The following IL1RAPL2 variants were observed in gnomAD, a reference collection of about 807,000 sequenced individuals.
The protein encoded by IL1RAPL2 is X-linked interleukin-1 receptor accessory protein-like 2.
In IL1RAPL2, 3 loss-of-function variants were observed where a neutral mutation model predicts 44.1. The observed-to-expected ratio is 0.07, with a 90% CI of 0.03 to 0.18. The LOEUF (loss-of-function observed/expected upper bound fraction) is 0.18. Ranked by LOEUF, IL1RAPL2 falls within the 10% of genes least tolerant of loss-of-function variation. The probability of loss-of-function intolerance (pLI) is 1.00; values close to 1 mark genes in which losing one functional copy is unlikely to be tolerated. For synonymous variants in IL1RAPL2, 181 were observed against 178.8 expected, an observed-to-expected ratio of 1.01 and a Z score of -0.10; for missense variants, 391 against 496.4, an observed-to-expected ratio of 0.79 and a Z score of 2.02.
At chrX:105,151,052 T>G (rs937848054) in intron 2 of IL1RAPL2, among the ~76,000 whole-genome samples, 2 of 112,120 alleles carry the variant, frequency 1.8e-5, no homozygotes, top group African/African-American at 6.5e-5. Context: ...AAATTGTGTC[T>G]ACTTCCCTGT....
intron 2 of IL1RAPL2, among the ~76,000 whole-genome samples, chrX:104,809,679 G>C (rs1394785444): frequency 2.7e-5 from 3 of 109,700 alleles, no homozygotes; most frequent in Admixed American, 1.9e-4. Flanking sequence ...TTTGTAGGTT[G>C]CCTGTTCACT....
intron 6 of IL1RAPL2, among the ~76,000 whole-genome samples, chrX:105,638,742 G>A (rs774931638): frequency 5.3e-5 from 6 of 112,367 alleles, no homozygotes; most frequent in African/African-American, 1.9e-4. Flanking sequence ...TTCAGTTTTG[G>A]TATCAGGAAT....
intron 2 of IL1RAPL2, among the ~76,000 whole-genome samples, chrX:104,709,444 C>T (rs887232645): frequency 2.7e-5 from 3 of 110,402 alleles, no homozygotes; most frequent in African/African-American, 9.9e-5. Context: ...GTCATACTGA[C>T]GAGTACTTTC....
intron 2 of IL1RAPL2, among the ~76,000 whole-genome samples, chrX:104,984,612 C>T (rs2030525976): frequency 8.9e-6 from 1 of 112,111 alleles, no homozygotes. Flanking sequence ...ATTACTGTTT[C>T]AAATGTAATA....
At chrX:104,579,372 A>G (rs1410275131) in intron 1 of IL1RAPL2, among the ~76,000 whole-genome samples, 1 of 112,251 alleles carries the variant, frequency 8.9e-6, no homozygotes, top group Non-Finnish European at 1.9e-5. Context: ...AGATTGGATA[A>G]AGAAAATGTA....
chrX:104,705,481 A>C (rs1316781616), intron 2 of IL1RAPL2, among the ~76,000 whole-genome samples: 1 of 110,949 alleles, frequency 9.0e-6, no homozygotes, highest in Non-Finnish European at 1.9e-5. Flanking sequence ...TAGCTTTTCT[A>C]TTTCCAGGAT....
chrX:104,814,740 C>T (rs1474289745), intron 2 of IL1RAPL2, among the ~76,000 whole-genome samples: 2 of 112,213 alleles, frequency 1.8e-5, no homozygotes, highest in African/African-American at 6.5e-5. Context: ...GTGTCAAATT[C>T]TGCTCCTTTG....
intron 2 of IL1RAPL2, among the ~76,000 whole-genome samples, chrX:104,776,053 A>T (rs1415653598): frequency 8.9e-6 from 1 of 112,025 alleles, no homozygotes; most frequent in Non-Finnish European, 1.9e-5. Flanking sequence ...AGTGGAGTCC[A>T]TTGATGTCCC....
At chrX:105,108,342 TG>T (rs1912157010) in intron 2 of IL1RAPL2, among the ~76,000 whole-genome samples, 2 of 111,496 alleles carry the variant, frequency 1.8e-5, no homozygotes, top group African/African-American at 6.5e-5. Flanking sequence ...TTGTTGGTTT[TG>T]TTTTTGAGAT....
chrX:104,778,208 T>A (rs962786572), intron 2 of IL1RAPL2, among the ~76,000 whole-genome samples: 5 of 110,500 alleles, frequency 4.5e-5, no homozygotes, highest in African/African-American at 1.6e-4. Context: ...ATTTTTGTTG[T>A]TGAGTTAGAT....
At chrX:104,627,171 T>C (rs1249859915) in intron 1 of IL1RAPL2, among the ~76,000 whole-genome samples, 1 of 109,025 alleles carries the variant, frequency 9.2e-6, no homozygotes, top group African/African-American at 3.3e-5. Context: ...GAGGGAAGCA[T>C]TGGCTTGAAT....
intron 4 of IL1RAPL2, among the ~76,000 whole-genome samples, chrX:105,258,615 T>A (rs190791717): frequency 8.9e-6 from 1 of 112,291 alleles, no homozygotes; most frequent in East Asian, 2.8e-4. Flanking sequence ...ATTTCTTGCA[T>A]GTTTTGTTCA....
At chrX:104,726,144 C>G (rs368764416) in intron 2 of IL1RAPL2, among the ~76,000 whole-genome samples, 1 of 111,424 alleles carries the variant, frequency 9.0e-6, no homozygotes, top group Non-Finnish European at 1.9e-5. Context: ...AATAAGGAAT[C>G]CTTTCCCCCA....
chrX:104,573,970 C>A (rs188670232), intron 1 of IL1RAPL2, among the ~76,000 whole-genome samples: 43 of 111,403 alleles, frequency 3.9e-4, no homozygotes, highest in African/African-American at 1.4e-3. Context: ...TTAATTCCAG[C>A]TTTCTCAAAG....
chrX:104,990,885 T>C lies in IL1RAPL2; in HGVS notation c.83-204590T>C, dbSNP rs139694266. ...ATAGAAATTGTGATTACTGTAGTGATGCTAGTCTATCCCTATAGAATTTCT... is the reference window on the plus strand; with the variant it reads ...ATAGAAATTGTGATTACTGTAGTGACGCTAGTCTATCCCTATAGAATTTCT... On this transcript the variant is annotated intron_variant, in intron 2 of 10. Coordinates refer to ENST00000372582, the MANE Select transcript of IL1RAPL2 (RefSeq NM_017416.2). Among the ~76,000 whole-genome samples, 468 of 111,456 alleles carry C rather than the reference T, an allele frequency of 4.2e-3. 2 individuals carry two copies. Among genetic ancestry groups the C allele is most frequent in the Middle Eastern group, 0.014 (3 of 215 alleles).
At chrX:105,017,816 A>G (rs1466057307) in intron 2 of IL1RAPL2, among the ~76,000 whole-genome samples, 1 of 110,840 alleles carries the variant, frequency 9.0e-6, no homozygotes, top group African/African-American at 3.3e-5. Flanking sequence ...ATAGAAAACA[A>G]AGGTAAGAGG....
At chrX:105,184,833 G>C (rs2033570759) in intron 2 of IL1RAPL2, among the ~76,000 whole-genome samples, 1 of 111,411 alleles carries the variant, frequency 9.0e-6, no homozygotes, top group Non-Finnish European at 1.9e-5. Context: ...AAGTAATTTA[G>C]TTTGAACTAA....
Position 104,987,028 on chromosome X carries a change from A to G in IL1RAPL2, c.83-208447A>G, listed in dbSNP as rs189371826. On this transcript the variant is annotated intron_variant, in intron 2 of 10. Coordinates refer to ENST00000372582, the MANE Select transcript of IL1RAPL2 (RefSeq NM_017416.2). ...ATGTTAATACAATGCATTTTGCTTG[A>G]CAAATCAGCACCACTTGAATAGAGG... Among the ~76,000 whole-genome samples, 45 of 112,365 alleles carry G rather than the reference A, an allele frequency of 4.0e-4. 1 individual carries two copies. The Admixed American group carries it at 4.2e-3, about 10-fold the overall frequency.
intron 2 of IL1RAPL2, among the ~76,000 whole-genome samples, chrX:105,099,322 C>T (rs932813770): frequency 9.0e-6 from 1 of 110,723 alleles, no homozygotes; most frequent in Non-Finnish European, 1.9e-5. Flanking sequence ...GCAGGCTGTA[C>T]AAGCATAGTA....
Sources: gnomAD v4.1 joint callset for allele counts (sites outside exome capture counted in the v4.1 genomes callset) on GRCh38, gnomAD v4.1.1 for gene constraint, MANE v1.5 for transcripts, NCBI Gene and HGNC (gene_info 2026-07-23, HGNC 2026-07-21) for gene names.